Variants in TMEM218 observed in about 807,000 individuals in gnomAD.
The protein encoded by TMEM218 is transmembrane protein 218.
Under a neutral mutation model 10.0 loss-of-function variants are expected in TMEM218, and 8 were observed. That is an observed-to-expected ratio of 0.80 (90% CI 0.47 to 1.44). The LOEUF is 1.44. Among genes scored for constraint, TMEM218 ranks in the 40% most tolerant of loss-of-function variants. TMEM218 has a pLI of 0.00. For synonymous variants in TMEM218, 66 were observed against 63.5 expected (o/e 1.04, Z -0.18); for missense variants, 110 against 140.1 (o/e 0.79, Z 1.08).
chr11:125,101,616 G>T, intron 3 of TMEM218: 2 of 792,768 alleles, frequency 2.5e-6, no homozygotes, highest in Non-Finnish European at 3.9e-6. Flanking sequence ...CACTTCTGTT[G>T]TTTTTAGAAC....
At chr11:125,101,784 G>A (rs1036521467) in intron 3 of TMEM218, 5 of 476,096 alleles carry the variant, frequency 1.1e-5, no homozygotes, top group Non-Finnish European at 1.5e-5. Context: ...TGTTGCTTTC[G>A]TTTTCCTGGG....
At position 125,108,625 on chromosome 11, in the gene TMEM218, G is replaced by C. The variant is rs1007394659; in HGVS notation, c.-153+2914C>G. Among the ~76,000 whole-genome samples, 1 of 152,286 alleles carries C rather than the reference G, an allele frequency of 6.6e-6. No homozygotes were observed. Among genetic ancestry groups the C allele is most frequent in the Non-Finnish European group, 1.5e-5 (1 of 68,008 alleles). Reference sequence around the variant, plus strand: ...CTGCCTTCAGTTATGTGATTTGCTAGAGTGATGAACAACTCTTGTTAAAGT... The same window carrying C: ...CTGCCTTCAGTTATGTGATTTGCTACAGTGATGAACAACTCTTGTTAAAGT... On this transcript the variant is annotated intron_variant, in intron 1 of 4. Coordinates refer to ENST00000682305, the MANE Select transcript of TMEM218 (RefSeq NM_001258244.2). This position sits in a 1 kb window ranked among gnomAD's most constrained non-coding sequence, Gnocchi z 5.3.
At chr11:125,106,816 G>A (rs764105412) in intron 1 of TMEM218, among the ~76,000 whole-genome samples, 2 of 152,096 alleles carry the variant, frequency 1.3e-5, no homozygotes, top group African/African-American at 2.4e-5. Context: ...CCTACATCCA[G>A]CTCTTCTATT....
chr11:125,109,430 A>C (rs1232443146), intron 1 of TMEM218, among the ~76,000 whole-genome samples: 1 of 152,234 alleles, frequency 6.6e-6, no homozygotes, highest in African/African-American at 2.4e-5. Context: ...AAGGGATCTG[A>C]ACTAAATCTG....
In TMEM218 at chr11:125,101,195, CT is replaced by C. The variant is rs758860898; in HGVS notation, c.213+5del. The C allele has an allele frequency of 6.2e-6, 10 of 1,612,872 alleles. No homozygotes were observed. Among genetic ancestry groups the C allele is most frequent in the Non-Finnish European group, 8.5e-7 (1 of 1,179,318 alleles). ...TCAGGAGGCAAAACGAAAGCAACAGCTTTACCTTAACTTCCACTTCTGGGGC... is the reference window on the plus strand; with the variant it reads ...TCAGGAGGCAAAACGAAAGCAACAGCTTACCTTAACTTCCACTTCTGGGGC... On this transcript the variant is annotated splice_donor_5th_base_variant and intron_variant, in intron 4 of 4. Coordinates refer to ENST00000682305, the MANE Select transcript of TMEM218 (RefSeq NM_001258244.2).
chr11:125,107,794 T>C (rs1457182624), intron 1 of TMEM218, among the ~76,000 whole-genome samples: 1 of 77,022 alleles, frequency 1.3e-5, no homozygotes, highest in African/African-American at 5.3e-5. Context: ...GATGTGGATA[T>C]GTGTGTATAT....
chr11:125,098,972 A>C (rs1460430787), intron 4 of TMEM218, among the ~76,000 whole-genome samples: 4 of 152,242 alleles, frequency 2.6e-5, no homozygotes, highest in African/African-American at 9.6e-5. Context: ...ACTTCTGGAA[A>C]GGAATGCTGC....
In TMEM218 at chr11:125,099,146, G is replaced by A. The variant is rs183463024; in HGVS notation, c.214-1406C>T. Reference sequence around the variant, plus strand: ...CATACACAAAGTATCTCTCAGACCCGAGCCCTAGTAGGATCACTGAGGTCC... The same window carrying A: ...CATACACAAAGTATCTCTCAGACCCAAGCCCTAGTAGGATCACTGAGGTCC... On this transcript the variant is annotated intron_variant, in intron 4 of 4. Coordinates refer to ENST00000682305, the MANE Select transcript of TMEM218 (RefSeq NM_001258244.2). 7.2e-5 allele frequency among the ~76,000 whole-genome samples: 11 copies of A among 152,236 alleles called. No individual in the cohort carries two copies. The East Asian group carries it at 1.9e-3, about 27-fold the overall frequency.
intron 1 of TMEM218, chr11:125,104,538 T>G (rs1951676241): frequency 6.6e-6 from 1 of 152,264 alleles, no homozygotes; most frequent in African/African-American, 2.4e-5. Flanking sequence ...AGTTAATATT[T>G]TCATTTATTT....
At chr11:125,099,921 C>CAAAAA (rs34211632) in intron 4 of TMEM218, among the ~76,000 whole-genome samples, 2 of 100,342 alleles carry the variant, frequency 2.0e-5, no homozygotes, top group African/African-American at 4.1e-5. Flanking sequence ...GAGACTGTCT[C>CAAAAA]AAAAAAAAAA....
intron 4 of TMEM218, among the ~76,000 whole-genome samples, chr11:125,099,943 G>T (rs1470846572): frequency 2.9e-5 from 3 of 103,288 alleles, no homozygotes; most frequent in Non-Finnish European, 6.3e-5. Flanking sequence ...AAAAAAAAAA[G>T]ATAAGTGAGG....
chr11:125,102,622 A>G (rs2155664), intron 2 of TMEM218, 112 bp downstream of exon 2: 954,230 of 1,301,416 alleles, frequency 0.73, 351,158 homozygotes, highest in African/African-American at 0.87. Context: ...ACCCTCTCTG[A>G]ATATAAAACC....
intron 2 of TMEM218, 66 bp from the exon 3 acceptor site, chr11:125,102,383 C>A: frequency 6.5e-7 from 1 of 1,526,818 alleles, no homozygotes; most frequent in Non-Finnish European, 8.7e-7. Flanking sequence ...TTTTGATGAT[C>A]AGTGTGTTAG....
chr11:125,103,511 C>T (rs1951372537), intron 1 of TMEM218: 1 of 152,386 alleles, frequency 6.6e-6, no homozygotes, highest in African/African-American at 2.4e-5. Context: ...TCTCTGCCTC[C>T]ATCTTCCCAT....
rs777378277 is a variant in TMEM218, at chr11:125,108,592, G to A, written c.-153+2947C>T. Among the ~76,000 whole-genome samples, 7 of 152,274 alleles carry A rather than the reference G, an allele frequency of 4.6e-5. No homozygotes were observed. Among genetic ancestry groups the A allele is most frequent in the Non-Finnish European group, 7.4e-5 (5 of 68,002 alleles). On this transcript the variant is annotated intron_variant, in intron 1 of 4. Coordinates refer to ENST00000682305, the MANE Select transcript of TMEM218 (RefSeq NM_001258244.2). The surrounding 1 kb of genome is among the most constrained non-coding windows in gnomAD (Gnocchi z 5.3). ...GTTGTTCTGGCAACTCAAATACCAC[G>A]AGCTGTGCTGCCTTCAGTTATGTGA...
rs1949430749 is a variant in TMEM218, at chr11:125,094,842, C to T, written c.*2764G>A. Among the ~76,000 whole-genome samples, 1 of 152,128 alleles carries T rather than the reference C, an allele frequency of 6.6e-6. No homozygotes were observed. Among genetic ancestry groups the T allele is most frequent in the South Asian group, 2.1e-4 (1 of 4,832 alleles). ...AGCAGTGAGGAAGACAGTCTAGACA[C>T]CTTACAGCCTAGTTCTTCCATGGGC... On this transcript the variant is annotated 3_prime_UTR_variant, in exon 5 of 5. Transcript: ENST00000682305.
At chr11:125,100,664 C>T (rs1381241422) in intron 4 of TMEM218, among the ~76,000 whole-genome samples, 3 of 152,116 alleles carry the variant, frequency 2.0e-5, no homozygotes, top group Admixed American at 6.5e-5. Context: ...CATTTAAAGA[C>T]ATGGGTGCTG....
chr11:125,099,847 C>T (rs1475843920), intron 4 of TMEM218, among the ~76,000 whole-genome samples: 1 of 151,110 alleles, frequency 6.6e-6, no homozygotes, highest in Non-Finnish European at 1.5e-5. Context: ...TTGCTTGAGT[C>T]CGGGAGACGG....
intron 4 of TMEM218, among the ~76,000 whole-genome samples, chr11:125,100,936 T>C (rs1950616747): frequency 6.6e-6 from 1 of 152,178 alleles, no homozygotes; most frequent in Admixed American, 6.5e-5. Flanking sequence ...TGTTTTCAAC[T>C]TGATGCAAAC....
Sources: gnomAD v4.1 joint callset for allele counts (sites outside exome capture counted in the v4.1 genomes callset) on GRCh38, gnomAD v4.1.1 for gene constraint, Gnocchi (gnomAD v3.1) non-coding constraint, MANE v1.5 for transcripts, NCBI Gene and HGNC (gene_info 2026-07-23, HGNC 2026-07-21) for gene names.